CLCN3: variants seen among roughly 807,000 people sequenced by gnomAD.
CLCN3 encodes Cl-/H+ antiporter 3, also known as H(+)/Cl(-) exchange transporter 3.
A neutral mutation model predicts 83.4 loss-of-function variants in CLCN3; 16 were observed. That is an observed-to-expected ratio of 0.19 (90% CI 0.13 to 0.29). The LOEUF (loss-of-function observed/expected upper bound fraction) is 0.29. CLCN3 is among the 10% of genes least tolerant of loss of function. The pLI, the probability that CLCN3 is intolerant of heterozygous loss-of-function variation, is 1.00. For synonymous variants in CLCN3, 322 were observed against 346.2 expected, an observed-to-expected ratio of 0.93 and a Z score of 0.78; for missense variants, 544 against 1,006.0, an observed-to-expected ratio of 0.54 and a Z score of 6.21.
intron 3 of CLCN3, among the ~76,000 whole-genome samples, chr4:169,684,276 A>G (rs1732065820): frequency 6.6e-6 from 1 of 152,204 alleles, no homozygotes; most frequent in African/African-American, 2.4e-5. Context: ...TTTACCCCAC[A>G]TCAACCATTT....
intron 3 of CLCN3, among the ~76,000 whole-genome samples, chr4:169,682,463 A>G (rs905409078): frequency 1.3e-5 from 2 of 152,200 alleles, no homozygotes; most frequent in African/African-American, 4.8e-5. Flanking sequence ...CCAAGTCTGG[A>G]AAACCATAGT....
chr4:169,668,579 G>A (rs1731340754), intron 2 of CLCN3, among the ~76,000 whole-genome samples: 1 of 152,112 alleles, frequency 6.6e-6, no homozygotes, highest in Non-Finnish European at 1.5e-5. Context: ...GTGCAGTAAA[G>A]TCATGGAATT....
intron 2 of CLCN3, among the ~76,000 whole-genome samples, chr4:169,656,194 A>G (rs1012136214): frequency 1.3e-5 from 2 of 152,190 alleles, no homozygotes; most frequent in African/African-American, 4.8e-5. Flanking sequence ...TCATGATGCT[A>G]TAAAGAAATA....
chr4:169,685,797 CATT>C (rs1732130567), intron 3 of CLCN3, among the ~76,000 whole-genome samples: 1 of 152,122 alleles, frequency 6.6e-6, no homozygotes, highest in Non-Finnish European at 1.5e-5. Flanking sequence ...TTTTCTTACA[CATT>C]ATTTTTATTG....
chr4:169,669,210 A>C (rs1731366434), intron 2 of CLCN3, among the ~76,000 whole-genome samples: 1 of 152,256 alleles, frequency 6.6e-6, no homozygotes, highest in African/African-American at 2.4e-5. Context: ...GGGTTGGAGA[A>C]AAAGTCGAGA....
chr4:169,679,464 AC>A (rs1379648075), intron 2 of CLCN3, among the ~76,000 whole-genome samples: 1 of 148,814 alleles, frequency 6.7e-6, no homozygotes, highest in East Asian at 2.0e-4. Context: ...TCAGGCAGAG[AC>A]GCTCCTCACT....
In CLCN3 at chr4:169,644,017, G is replaced by A. The variant is rs188229449; in HGVS notation, c.160+7929G>A. Among the ~76,000 whole-genome samples the A allele has an allele frequency of 2.4e-3, 370 of 152,250 alleles. 1 individual carries two copies. Among genetic ancestry groups the A allele is most frequent in the Middle Eastern group, 0.017 (5 of 294 alleles). On this transcript the variant is annotated intron_variant, in intron 2 of 12. Transcript: ENST00000513761. Reference sequence around the variant, plus strand: ...AGAAAAATGGTGTACCATGAAAAATGTTCAGCCCACAACTCAAATATTCAG... The same window carrying A: ...AGAAAAATGGTGTACCATGAAAAATATTCAGCCCACAACTCAAATATTCAG...
At chr4:169,708,978 A>G (rs1033423086) in intron 11 of CLCN3, among the ~76,000 whole-genome samples, 2 of 148,502 alleles carry the variant, frequency 1.3e-5, no homozygotes, top group African/African-American at 4.9e-5. Flanking sequence ...ATGTTTATAT[A>G]TGTAACTTTT....
rs540152408 is a variant in CLCN3 at position 169,722,930 on chromosome 4, A to G, written c.*2933A>G. 5 of 152,320 alleles carry G rather than the reference A, an allele frequency of 3.3e-5. No homozygotes were observed. The highest frequency in any genetic ancestry group is 1.2e-4 in the African/African-American group (5 of 41,576). 9.4% of individuals were successfully genotyped at this position (152,320 alleles called of 1,614,324 possible). A position where few individuals can be genotyped will look rare whatever the true frequency, so the allele number is the denominator to read the frequency against. ...TGGCAAATTAATTTACCAATATAATAAGTGTAGCGCCTTGTTTGAATACCC... is the reference window on the plus strand; with the variant it reads ...TGGCAAATTAATTTACCAATATAATGAGTGTAGCGCCTTGTTTGAATACCC... On this transcript the variant is annotated 3_prime_UTR_variant, in exon 13 of 13. Coordinates refer to ENST00000513761, the MANE Select transcript of CLCN3 (RefSeq NM_001829.4).
intron 2 of CLCN3, among the ~76,000 whole-genome samples, chr4:169,673,607 T>G (rs1731562627): frequency 1.3e-5 from 2 of 152,020 alleles, no homozygotes; most frequent in Admixed American, 6.6e-5. Context: ...CAGTAGTCCA[T>G]ATTTCTTCAG....
chr4:169,718,097 C>G (rs1327301534), intron 12 of CLCN3, among the ~76,000 whole-genome samples: 1 of 152,154 alleles, frequency 6.6e-6, no homozygotes, highest in Non-Finnish European at 1.5e-5. Flanking sequence ...TCAAATCATT[C>G]ATTACAATTT....
At chr4:169,670,295 A>G (rs1267864797) in intron 2 of CLCN3, among the ~76,000 whole-genome samples, 2 of 152,140 alleles carry the variant, frequency 1.3e-5, no homozygotes, top group Non-Finnish European at 2.9e-5. Flanking sequence ...TATAAGGTGT[A>G]AGGAAGGGGT....
At chr4:169,637,684 A>G (rs1010828760) in intron 2 of CLCN3, among the ~76,000 whole-genome samples, 1 of 152,082 alleles carries the variant, frequency 6.6e-6, no homozygotes, top group South Asian at 2.1e-4. Context: ...CCTCAAGGTC[A>G]CAAAGATATT....
At chr4:169,650,723 ATT>A (rs1194375592) in intron 2 of CLCN3, among the ~76,000 whole-genome samples, 4 of 152,364 alleles carry the variant, frequency 2.6e-5, no homozygotes, top group African/African-American at 7.2e-5. Context: ...TCTGATATTT[ATT>A]CTAAGCAGGG....
At chr4:169,621,258 TC>T (rs1560821837) in intron 1 of CLCN3, among the ~76,000 whole-genome samples, 195 bp downstream of exon 1, 2 of 152,268 alleles carry the variant, frequency 1.3e-5, no homozygotes, top group East Asian at 3.9e-4. Flanking sequence ...ATTTCACACA[TC>T]TGCTTCAGGA....
intron 1 of CLCN3, among the ~76,000 whole-genome samples, chr4:169,630,163 A>G (rs1773333170): frequency 6.6e-6 from 1 of 152,202 alleles, no homozygotes; most frequent in Admixed American, 6.5e-5. Context: ...CTTTTATTTT[A>G]GATGTGCAGG....
chr4:169,697,899 A>G (rs1261382664), intron 9 of CLCN3, among the ~76,000 whole-genome samples, 165 bp downstream of exon 9: 4 of 152,226 alleles, frequency 2.6e-5, no homozygotes, highest in Admixed American at 2.6e-4. Flanking sequence ...ATTGTTGACC[A>G]TGTTATCTGT....
Position 169,706,859 on chromosome 4 carries a change from T to G in CLCN3, c.1751-9T>G, listed in dbSNP as rs2150266955. On this transcript the variant is annotated splice_polypyrimidine_tract_variant and intron_variant, in intron 10 of 12. Transcript: ENST00000513761. The stretch of plus-strand genomic sequence containing the variant: ...TCCTTCCTGACCAGTGGGTGCTTAC[T>G]TTTTTCAGGTGGTGTGACAAGAATG... 5.6e-6 allele frequency: 9 copies of G among 1,604,316 alleles called. No homozygotes were observed. The highest frequency in any genetic ancestry group is 7.7e-6 in the Non-Finnish European group (9 of 1,172,788).
At chr4:169,634,991 G>C (rs1050647420) in intron 1 of CLCN3, among the ~76,000 whole-genome samples, 1 of 152,108 alleles carries the variant, frequency 6.6e-6, no homozygotes, top group Non-Finnish European at 1.5e-5. Context: ...TCCATTTGCA[G>C]AAGGAAAATT....
Sources: allele counts gnomAD v4.1 joint callset (sites outside exome capture counted in the v4.1 genomes callset), GRCh38; gene constraint gnomAD v4.1.1; transcripts MANE v1.5; gene names NCBI Gene and HGNC (gene_info 2026-07-23, HGNC 2026-07-21).